The following POU6F2 variants were observed in gnomAD, a reference collection of about 807,000 sequenced individuals.
POU6F2 encodes the protein POU domain, class 6, transcription factor 2.
Under a neutral mutation model 71.3 loss-of-function variants are expected in POU6F2, and 31 were observed. That is an observed-to-expected ratio of 0.43 (90% confidence interval 0.33 to 0.59). The LOEUF is 0.59. POU6F2 is among the 20% of genes least tolerant of loss of function. The probability of loss-of-function intolerance (pLI) is 0.04; values close to 1 mark genes in which losing one functional copy is unlikely to be tolerated. For missense variants in POU6F2, 783 were observed against 856.8 expected, an observed-to-expected ratio of 0.91 and a Z score of 1.07; for synonymous variants, 347 against 355.7, an observed-to-expected ratio of 0.98 and a Z score of 0.27.
intron 4 of POU6F2, among the ~76,000 whole-genome samples, chr7:39,297,579 T>G (rs1784874733): frequency 6.6e-6 from 1 of 152,064 alleles, no homozygotes; most frequent in Non-Finnish European, 1.5e-5. Flanking sequence ...CATATATTGC[T>G]CCCCTCTTAA....
intron 4 of POU6F2, among the ~76,000 whole-genome samples, chr7:39,337,205 G>A (rs187588979): frequency 6.6e-6 from 1 of 152,114 alleles, no homozygotes; most frequent in Non-Finnish European, 1.5e-5. Context: ...TTCAAGACAC[G>A]GCTTTACCGT....
At chr7:39,047,955 G>A (rs1790323842) in intron 1 of POU6F2, among the ~76,000 whole-genome samples, 1 of 151,728 alleles carries the variant, frequency 6.6e-6, no homozygotes, top group Non-Finnish European at 1.5e-5. Context: ...GTATTCTCAG[G>A]GACATTAATC....
At chr7:39,202,565 T>C (rs964608073) in intron 2 of POU6F2, among the ~76,000 whole-genome samples, 5 of 152,218 alleles carry the variant, frequency 3.3e-5, no homozygotes, top group African/African-American at 1.2e-4. Flanking sequence ...CATAAATTTC[T>C]GCTGAGAATT....
chr7:39,181,171 A>C (rs1793426944), intron 2 of POU6F2, among the ~76,000 whole-genome samples: 1 of 152,186 alleles, frequency 6.6e-6, no homozygotes, highest in Non-Finnish European at 1.5e-5. Flanking sequence ...TCCACCCTAC[A>C]CATGATGGCA....
rs114078088 is a variant in POU6F2 at position 39,112,882 on chromosome 7, G to A, written c.277+26851G>A. Among the ~76,000 whole-genome samples the A allele has an allele frequency of 4.1e-3, 627 of 152,076 alleles. 7 individuals are homozygous for A. The highest frequency in any genetic ancestry group is 0.014 in the African/African-American group (599 of 41,500). On this transcript the variant is annotated intron_variant, in intron 2 of 9. Transcript: ENST00000518318. Reference sequence around the variant, plus strand: ...GATACTGCCATCTTAAGCTATTATGGATTAGATGTTTATATTTTAACCCCC... The same window carrying A: ...GATACTGCCATCTTAAGCTATTATGAATTAGATGTTTATATTTTAACCCCC...
chr7:39,146,885 G>T (rs1792635867), intron 2 of POU6F2, among the ~76,000 whole-genome samples: 1 of 152,042 alleles, frequency 6.6e-6, no homozygotes, highest in Non-Finnish European at 1.5e-5. Flanking sequence ...CAAATAATTA[G>T]TTCATACCAT....
rs527822227 is a variant in POU6F2 at position 39,307,829 on chromosome 7, A to G, written c.599-31813A>G. 5.0e-4 allele frequency among the ~76,000 whole-genome samples: 76 copies of G among 152,086 alleles called. 1 individual carries two copies. The South Asian group carries it at 0.015, about 30-fold the overall frequency. ...CTAAAAATACAAAAATTAGCCAGGC[A>G]TGTAGTCCCAGCTACTCAGAGAGGC... is the stretch of plus-strand genomic sequence containing the variant. On this transcript the variant is annotated intron_variant, in intron 4 of 9. Coordinates refer to ENST00000518318, the MANE Select transcript of POU6F2 (RefSeq NM_001370959.1).
intron 4 of POU6F2, among the ~76,000 whole-genome samples, chr7:39,256,516 C>G (rs1294676172): frequency 2.6e-5 from 4 of 152,144 alleles, no homozygotes; most frequent in Admixed American, 1.3e-4. Flanking sequence ...ATGTCTATGT[C>G]CTAACCTCCA....
intron 4 of POU6F2, among the ~76,000 whole-genome samples, chr7:39,317,068 G>C (rs916709283): frequency 6.6e-6 from 1 of 152,158 alleles, no homozygotes; most frequent in Non-Finnish European, 1.5e-5. Flanking sequence ...TCCTTCTCAC[G>C]ATAAGCCAGG....
At chr7:38,978,139 A>G (rs983607932) in intron 1 of POU6F2, 81 bp downstream of exon 1, 21 of 152,162 alleles carry the variant, frequency 1.4e-4, no homozygotes, top group African/African-American at 5.1e-4. Flanking sequence ...TATTTACAGT[A>G]CCATCTTTCT....
chr7:39,032,031 T>G (rs1354314563), intron 1 of POU6F2, among the ~76,000 whole-genome samples: 1 of 152,330 alleles, frequency 6.6e-6, no homozygotes, highest in African/African-American at 2.4e-5. Flanking sequence ...CTACTCATTA[T>G]TTCTAGATCA....
chr7:39,327,046 G>A (rs1373767640), intron 4 of POU6F2, among the ~76,000 whole-genome samples: 2 of 152,182 alleles, frequency 1.3e-5, no homozygotes, highest in African/African-American at 2.4e-5. Context: ...TTAGGAGGCT[G>A]AGGTGGGCGT....
chr7:39,210,854 T>G lies in POU6F2; in HGVS notation c.598+3234T>G, dbSNP rs1002156843. ...TCTAGGGAGATTATTCAAAGTTCAT[T>G]AGGCAACTCCCTGCCTTAGTCTGTT... is the stretch of plus-strand genomic sequence containing the variant. On this transcript the variant is annotated intron_variant, in intron 4 of 9. Coordinates refer to ENST00000518318, the MANE Select transcript of POU6F2 (RefSeq NM_001370959.1). 7.9e-5 allele frequency among the ~76,000 whole-genome samples: 12 copies of G among 152,274 alleles called. No homozygotes were observed. In the East Asian group the frequency reaches 2.1e-3, roughly 27 times the overall value.
chr7:39,436,170 G>A (rs910597929), intron 7 of POU6F2, among the ~76,000 whole-genome samples: 15 of 152,128 alleles, frequency 9.9e-5, no homozygotes, highest in African/African-American at 3.6e-4. Context: ...AATGTCAGTG[G>A]TAGTTTGATG....
chr7:39,296,126 T>C (rs1490250761), intron 4 of POU6F2, among the ~76,000 whole-genome samples: 1 of 152,244 alleles, frequency 6.6e-6, no homozygotes, highest in Non-Finnish European at 1.5e-5. Context: ...GTTAATAATT[T>C]CAGAGTGGAG....
chr7:39,064,948 GA>G (rs1221265946), intron 1 of POU6F2, among the ~76,000 whole-genome samples: 1 of 151,824 alleles, frequency 6.6e-6, no homozygotes, highest in Non-Finnish European at 1.5e-5. Context: ...AAGTCAATGC[GA>G]AGTTGATTAA....
chr7:39,397,230 G>C (rs1275001227), intron 5 of POU6F2, among the ~76,000 whole-genome samples: 1 of 151,914 alleles, frequency 6.6e-6, no homozygotes, highest in Non-Finnish European at 1.5e-5. Context: ...TGGAGCACAG[G>C]CGTTACACAG....
At chr7:39,128,412 G>T (rs1190092533) in intron 2 of POU6F2, among the ~76,000 whole-genome samples, 2 of 152,160 alleles carry the variant, frequency 1.3e-5, no homozygotes, top group Non-Finnish European at 2.9e-5. Flanking sequence ...GACATAAATT[G>T]CATGTTAGGG....
Position 39,233,800 on chromosome 7 carries a change from T to C in POU6F2, c.598+26180T>C, listed in dbSNP as rs1794621907. ...ATTTTCTCCAGCATAGCAGAGTCTT[T>C]CAGAAAGTGTAAAACCCGGTCACTT... On this transcript the variant is annotated intron_variant, in intron 4 of 9. Transcript: ENST00000518318. Among the ~76,000 whole-genome samples, 3 of 152,198 alleles carry C rather than the reference T, an allele frequency of 2.0e-5. No homozygotes were observed. The South Asian group carries it at 6.2e-4, about 32-fold the overall frequency.
Sources: gnomAD v4.1 joint callset for allele counts (sites outside exome capture counted in the v4.1 genomes callset) on GRCh38, gnomAD v4.1.1 for gene constraint, MANE v1.5 for transcripts, NCBI Gene and HGNC (gene_info 2026-07-23, HGNC 2026-07-21) for gene names.